Variants in F5 observed in about 807,000 individuals in gnomAD.
F5 encodes the protein activated protein c cofactor.
Under a neutral mutation model 216.4 loss-of-function variants are expected in F5, and 138 were observed. The ratio of observed to expected loss-of-function variants is 0.64; its 90% CI spans 0.56 to 0.73. F5 has a LOEUF of 0.73. Ranked by LOEUF, F5 falls within the 30% of genes least tolerant of loss-of-function variation. F5 has a pLI of 0.00. For missense variants in F5, 2,403 were observed against 2,674.0 expected, an observed-to-expected ratio of 0.90 and a Z score of 2.24; for synonymous variants, 916 against 930.7, an observed-to-expected ratio of 0.98 and a Z score of 0.29.
In F5 at chr1:169,579,832, A is replaced by G. The variant is rs536027033; in HGVS notation, c.250+2599T>C. On this transcript the variant is annotated intron_variant, in intron 2 of 24. Transcript: ENST00000367797. ...CTGGCTCTGGACTGGTCTTTCTCCA[A>G]TCTATTCTCTATAATTGGACAACAT... 6.6e-5 allele frequency among the ~76,000 whole-genome samples: 10 copies of G among 152,272 alleles called. No homozygotes were observed. The South Asian group carries it at 2.1e-3, about 32-fold the overall frequency.
rs555195998 is a variant in F5 at position 169,535,741 on chromosome 1, T to C, written c.4971+765A>G. Among the ~76,000 whole-genome samples, 64 of 152,322 alleles carry C rather than the reference T, an allele frequency of 4.2e-4. 2 individuals are homozygous for C. The South Asian group carries it at 0.013, about 31-fold the overall frequency. Reference sequence around the variant, plus strand: ...TCATAAAAGAGAATATTGCCTCCCATAGCTTCATGGAAAATTTAGAATAAT... The same window carrying C: ...TCATAAAAGAGAATATTGCCTCCCACAGCTTCATGGAAAATTTAGAATAAT... On this transcript the variant is annotated intron_variant, in intron 14 of 24. Transcript: ENST00000367797.
rs760055896 is a variant in F5 at position 169,541,955 on chromosome 1, C to A, written c.3135G>T (p.Pro1045=). 18 of 1,613,924 alleles carry A rather than the reference C, an allele frequency of 1.1e-5. No individual in the cohort carries two copies. The Admixed American group carries it at 3.0e-4, about 27-fold the overall frequency. Residue 1045 remains proline (P), a synonymous_variant, in exon 13 of 25, where the codon CCG becomes CCT. Coordinates refer to ENST00000367797, the MANE Select transcript of F5 (RefSeq NM_000130.5). The part of the protein sequence containing the change: ...EKHTHHAPLS[P]RTFHPLRSEA... Reference sequence around the variant, plus strand: ...CACTTCTTAGAGGGTGAAAGGTCCTCGGAGATAAAGGAGCATGGTGTGTGT... The same window carrying A: ...CACTTCTTAGAGGGTGAAAGGTCCTAGGAGATAAAGGAGCATGGTGTGTGT...
chr1:169,554,154 CAA>C (rs10590284), intron 7 of F5, among the ~76,000 whole-genome samples: 11,137 of 90,570 alleles, frequency 0.12, 1,043 homozygotes, highest in African/African-American at 0.31. Context: ...TGATGACTCT[CAA>C]AATGACCTCC....
Position 169,552,590 on chromosome 1 carries a change from A to G in F5, c.1263T>C (p.Pro421=), listed in dbSNP as rs762364710. The change falls in exon 8 of 25, where the codon CCT becomes CCC. Residue 421 remains proline, a synonymous_variant. Transcript: ENST00000367797. ...TGTCTCTGACCTGGGCTCTGATAATAGGACCCAAAATCCCATCTTCTTTCA... is the reference window on the plus strand; with the variant it reads ...TGTCTCTGACCTGGGCTCTGATAATGGGACCCAAAATCCCATCTTCTTTCA... ...PNMKEDGILG[P]IIRAQVRDTL... is the part of the protein sequence containing the mutation. 8 of 1,613,732 alleles carry G rather than the reference A, an allele frequency of 5.0e-6. No homozygotes were observed. Among genetic ancestry groups the G allele is most frequent in the East Asian group, 2.2e-5 (1 of 44,826 alleles).
At position 169,520,504 on chromosome 1, in the gene F5, C is replaced by T. The variant is rs190959421; in HGVS notation, c.6193+16G>A. On this transcript the variant is annotated intron_variant, in intron 22 of 24. Transcript: ENST00000367797. Reference sequence around the variant, plus strand: ...TTTGAGTGGCAGTGAGAAAATAATGCATCTTTGTACCTTACCATTTACCTC... The same window carrying T: ...TTTGAGTGGCAGTGAGAAAATAATGTATCTTTGTACCTTACCATTTACCTC... The T allele has an allele frequency of 3.7e-4, 605 of 1,613,824 alleles. 2 individuals carry two copies. In the African/African-American group the frequency reaches 7.5e-3, roughly 20 times the overall value.
chr1:169,545,716 A>T (rs1659982040), intron 11 of F5, among the ~76,000 whole-genome samples: 1 of 152,208 alleles, frequency 6.6e-6, no homozygotes, highest in African/African-American at 2.4e-5. Context: ...ATATGAACAG[A>T]ACATGCAGAA....
intron 2 of F5, among the ~76,000 whole-genome samples, chr1:169,580,942 A>G (rs191160526): frequency 6.6e-6 from 1 of 152,160 alleles, no homozygotes; most frequent in African/African-American, 2.4e-5. Flanking sequence ...TGATCCTCTT[A>G]ATATCTTTAG....
intron 3 of F5, among the ~76,000 whole-genome samples, chr1:169,561,291 C>CT (rs1302464592): frequency 7.7e-6 from 1 of 129,320 alleles, no homozygotes; most frequent in Admixed American, 7.4e-5. Context: ...AATTTTTTCC[C>CT]CCGAGCCACA....
rs771301602 is a variant in F5 at position 169,560,698 on chromosome 1, A to G, written c.442T>C (p.Tyr148His). Residue 148 changes from tyrosine to histidine, a missense_variant, in exon 4 of 25, where the codon TAC becomes CAC. Around this residue, in one of 4 missense-constraint regions of F5, gnomAD observed 1,425 missense variants for 1,554.8 expected, o/e 0.92. Transcript: ENST00000367797. Reference sequence around the variant, plus strand: ...TCACTGATACTCCATTCATAGGTGTATTCTCGGCCTGGAGCCACAGCGTCG... The same window carrying G: ...TCACTGATACTCCATTCATAGGTGTGTTCTCGGCCTGGAGCCACAGCGTCG... ...MDDAVAPGRE[Y>H]TYEWSISEDS... is the part of the protein sequence containing the mutation. The G allele has an allele frequency of 3.7e-6, 6 of 1,613,592 alleles. No homozygotes were observed. In the Admixed American group the frequency reaches 8.3e-5, roughly 22 times the overall value.
intron 17 of F5, among the ~76,000 whole-genome samples, chr1:169,526,939 C>T (rs988982173): frequency 2.0e-5 from 3 of 151,786 alleles, no homozygotes; most frequent in South Asian, 2.1e-4. Context: ...TAGTGAGTTA[C>T]TGGCATGTGA....
chr1:169,550,856 C>G, intron 8 of F5, 117 bp from the exon 9 acceptor site: 1 of 761,136 alleles, frequency 1.3e-6, no homozygotes, highest in South Asian at 1.5e-5. Flanking sequence ...TGTGTACACA[C>G]AGTAGGAAAA....
rs947863858 is a variant in F5, at chr1:169,569,312, T to A, written c.373+2909A>T. ...AACAATGTCTGGCAGAAAACGTGTT[T>A]TATTTGGAGAGCTGGCTTACCAGCA... On this transcript the variant is annotated intron_variant, in intron 3 of 24. Transcript: ENST00000367797. 7.2e-5 allele frequency among the ~76,000 whole-genome samples: 11 copies of A among 152,206 alleles called. 1 individual carries two copies. The highest frequency in any genetic ancestry group is 2.4e-4 in the African/African-American group (10 of 41,564).
Position 169,541,689 on chromosome 1 carries a change from T to G in F5, c.3401A>C (p.Asp1134Ala), listed in dbSNP as rs748647397. 6.2e-7 allele frequency: 1 copy of G among 1,613,936 alleles called. No homozygotes were observed. The highest frequency in any genetic ancestry group is 8.5e-7 in the Non-Finnish European group (1 of 1,179,960). The change falls in exon 13 of 25, where the codon GAC becomes GCC. Residue 1134 changes from aspartate (D) to alanine (A), a missense_variant. By Grantham distance (126) the Asp-to-Ala change is moderately radical (BLOSUM62 -2). Transcript: ENST00000367797. ...TGAAGTAGAGTGCATTTGATCAGGGTCTTGAATGGGGAATGTTTGATAGTG... is the reference window on the plus strand; with the variant it reads ...TGAAGTAGAGTGCATTTGATCAGGGGCTTGAATGGGGAATGTTTGATAGTG... The part of the protein sequence containing the change: ...EEHYQTFPIQ[D>A]PDQMHSTSDP...
intron 12 of F5, 149 bp downstream of exon 12, chr1:169,544,147 A>G: frequency 1.4e-6 from 1 of 704,888 alleles, no homozygotes; most frequent in East Asian, 2.7e-5. Flanking sequence ...TTTCTCAAAG[A>G]GAAATCATGA....
At chr1:169,559,004 T>TA in intron 5 of F5, 149 bp downstream of exon 5, 2 of 742,298 alleles carry the variant, frequency 2.7e-6, no homozygotes, top group Non-Finnish European at 4.1e-6. Context: ...TATTTCCTGT[T>TA]TAAAAAAAAA....
intron 3 of F5, among the ~76,000 whole-genome samples, chr1:169,570,114 T>C (rs1302045624): frequency 3.3e-5 from 5 of 152,110 alleles, no homozygotes; most frequent in East Asian, 1.9e-4. Flanking sequence ...CTTAGATTCA[T>C]AGGACCAGAG....
rs1351783659 is a variant in F5 at position 169,546,976 on chromosome 1, AAAAAAAAG to A, written c.1612-392_1612-385del. Among the ~76,000 whole-genome samples, 99 of 140,892 alleles carry A rather than the reference AAAAAAAAG, an allele frequency of 7.0e-4. No homozygotes were observed. In the East Asian group the frequency reaches 0.026, roughly 37 times the overall value. 92.4% of individuals were successfully genotyped at this position (140,892 alleles called of 152,430 possible). ...AAAACCCGTCTCTACTAAAAAAAAA[AAAAAAAAG>A]AAAAGAAAAGAAAAGAAAAGAAAAT... On this transcript the variant is annotated intron_variant, in intron 10 of 24. Transcript: ENST00000367797.
In F5 at chr1:169,527,965, A is replaced by G; in HGVS notation, c.5549T>C (p.Leu1850Pro). Residue 1850 changes from leucine (L) to proline (P), a missense_variant, in exon 17 of 25, where the codon CTG becomes CCG. By Grantham distance (98) the Leu-to-Pro change is moderately conservative (BLOSUM62 -3). This residue lies in a region of F5 where 659 missense variants were observed against 787.9 expected (regional missense o/e 0.84). Coordinates refer to ENST00000367797, the MANE Select transcript of F5 (RefSeq NM_000130.5). ...HVVHFHGQTLLENGNKQHQLG... is the reference protein window; with the variant it reads ...HVVHFHGQTLPENGNKQHQLG... ...CTGGTGCTGTTTATTGCCATTTTCC[A>G]GCAAGGTCTGGCCGTGAAAGTGAAC... The G allele has an allele frequency of 6.2e-7, 1 of 1,613,796 alleles. No homozygotes were observed. Among genetic ancestry groups the G allele is most frequent in the Non-Finnish European group, 8.5e-7 (1 of 1,179,812 alleles).
intron 5 of F5, 102 bp from the exon 6 acceptor site, chr1:169,556,969 G>A: frequency 9.7e-7 from 1 of 1,035,154 alleles, no homozygotes; most frequent in Non-Finnish European, 1.5e-6. Context: ...CTGTGTGTCA[G>A]GCATTGTATA....
Sources: allele counts gnomAD v4.1 joint callset (sites outside exome capture counted in the v4.1 genomes callset), GRCh38; gene constraint gnomAD v4.1.1; regional missense constraint gnomAD v4.1.1; transcripts MANE v1.5; gene names NCBI Gene and HGNC (gene_info 2026-07-23, HGNC 2026-07-21).